The following REDIC1 variants were observed in gnomAD, a reference collection of about 807,000 sequenced individuals.
REDIC1 encodes the protein regulator of DNA class I crossover intermediates 1.
the REDIC1 span, among the ~76,000 whole-genome samples, chr12:39,857,563 C>T: frequency 1.3e-5 from 2 of 152,190 alleles, no homozygotes; most frequent in African/African-American, 4.8e-5. Flanking sequence ...TTTCTCCCTT[C>T]ATCACCATTT....
At chr12:39,906,875 G>C in the REDIC1 span, among the ~76,000 whole-genome samples, 4 of 151,900 alleles carry the variant, frequency 2.6e-5, no homozygotes, top group African/African-American at 4.8e-5. Flanking sequence ...CAATTATGAG[G>C]GAAGATAAAG....
chr12:39,830,063 A>C, the REDIC1 span: 1 of 1,612,066 alleles, frequency 6.2e-7, no homozygotes, highest in Non-Finnish European at 8.5e-7. Context: ...CTCGTTTTGA[A>C]ATATTATTAT....
chr12:39,778,506 G>A, the REDIC1 span, among the ~76,000 whole-genome samples: 1 of 152,024 alleles, frequency 6.6e-6, no homozygotes, highest in East Asian at 1.9e-4. Context: ...CTCATAACCC[G>A]GTTCCAAAGA....
the REDIC1 span, among the ~76,000 whole-genome samples, chr12:39,728,457 T>C: frequency 6.6e-6 from 1 of 152,212 alleles, no homozygotes; most frequent in African/African-American, 2.4e-5. Flanking sequence ...TTTAATGATT[T>C]GCCTATGTTA....
chr12:39,711,612 T>A, the REDIC1 span, among the ~76,000 whole-genome samples: 1 of 99,030 alleles, frequency 1.0e-5, no homozygotes, highest in East Asian at 3.7e-4. Flanking sequence ...CACATGCATG[T>A]GTATGTGTAT....
chr12:39,864,638 C>T, the REDIC1 span: 69,701 of 1,305,584 alleles, frequency 0.053, 4,272 homozygotes, highest in East Asian at 0.29. Flanking sequence ...CATTTTCTTC[C>T]CTTCTTACAT....
the REDIC1 span, chr12:39,626,282 G>A: frequency 1.4e-3 from 2,187 of 1,608,106 alleles, 16 homozygotes; most frequent in Non-Finnish European, 7.6e-4. Flanking sequence ...TTGGCGCAGA[G>A]CTGAGATGTC....
At chr12:39,864,724 G>C in the REDIC1 span, 6 of 1,601,122 alleles carry the variant, frequency 3.7e-6, no homozygotes, top group African/African-American at 5.4e-5. Context: ...AAAGTTACCA[G>C]AGTCATGTAA....
At chr12:39,895,841 C>T in the REDIC1 span, among the ~76,000 whole-genome samples, 1 of 88,940 alleles carries the variant, frequency 1.1e-5, no homozygotes, top group African/African-American at 4.5e-5. Flanking sequence ...TGTATATGCA[C>T]ACACATATGT....
At chr12:39,905,741 A>T in the REDIC1 span, among the ~76,000 whole-genome samples, 3 of 150,506 alleles carry the variant, frequency 2.0e-5, no homozygotes. Flanking sequence ...AATCATGTAT[A>T]TCTTTTTAAC....
chr12:39,772,781 C>T, the REDIC1 span, among the ~76,000 whole-genome samples: 148,086 of 152,294 alleles, frequency 0.97, 71,998 homozygotes, highest in East Asian at 1. Context: ...AAGTAGGATA[C>T]TTTAGAGTGG....
the REDIC1 span, among the ~76,000 whole-genome samples, chr12:39,768,856 TG>T: frequency 3.3e-5 from 5 of 152,074 alleles, no homozygotes; most frequent in Admixed American, 3.3e-4. Flanking sequence ...ACTGGCTTGA[TG>T]CAGGGCTGCC....
At chr12:39,762,183 C>A in the REDIC1 span, among the ~76,000 whole-genome samples, 1 of 151,996 alleles carries the variant, frequency 6.6e-6, no homozygotes, top group Non-Finnish European at 1.5e-5. Flanking sequence ...GTGGGCAGAC[C>A]TGGGAGGCTG....
At chr12:39,702,024 AAAG>A in the REDIC1 span, among the ~76,000 whole-genome samples, 1 of 152,140 alleles carries the variant, frequency 6.6e-6, no homozygotes, top group African/African-American at 2.4e-5. Context: ...ATCACAATTA[AAAG>A]AACTAGAAAA....
the REDIC1 span, among the ~76,000 whole-genome samples, chr12:39,645,956 T>G: frequency 8.5e-5 from 13 of 152,070 alleles, no homozygotes; most frequent in African/African-American, 3.1e-4. Flanking sequence ...ATGTATATAG[T>G]TTGGGTGGGT....
chr12:39,700,701 C>T, the REDIC1 span, among the ~76,000 whole-genome samples: 1 of 151,864 alleles, frequency 6.6e-6, no homozygotes, highest in Non-Finnish European at 1.5e-5. Context: ...GTCGGGTTAC[C>T]CTCAAAGGGA....
chr12:39,646,722 A>T, the REDIC1 span: 1 of 649,330 alleles, frequency 1.5e-6, no homozygotes, highest in Non-Finnish European at 2.5e-6. Flanking sequence ...ATGACCCTGT[A>T]GTGATTTACT....
At chr12:39,847,385 A>G in the REDIC1 span, among the ~76,000 whole-genome samples, 2 of 151,994 alleles carry the variant, frequency 1.3e-5, no homozygotes, top group Non-Finnish European at 2.9e-5. Context: ...AAAAGAATAC[A>G]TTTCCCAGTT....
chr12:39,769,383 T>C, the REDIC1 span, among the ~76,000 whole-genome samples: 19 of 152,116 alleles, frequency 1.2e-4, no homozygotes, highest in Non-Finnish European at 2.2e-4. Flanking sequence ...TTTGTAGGAC[T>C]TGATACATTT....
Sources: gnomAD v4.1 joint callset for allele counts (sites outside exome capture counted in the v4.1 genomes callset) on GRCh38, gnomAD v4.1.1 for gene constraint, MANE v1.5 for transcripts, NCBI Gene and HGNC (gene_info 2026-07-23, HGNC 2026-07-21) for gene names.